Variants in ZNF385D observed in about 807,000 individuals in gnomAD.
The protein encoded by ZNF385D is zinc finger protein 385D, also known as zinc finger protein 659.
A neutral mutation model predicts 35.8 loss-of-function variants in ZNF385D; 15 were observed. That is an observed-to-expected ratio of 0.42 (90% CI 0.28 to 0.64). The LOEUF is 0.64. ZNF385D is among the 30% of genes least tolerant of loss of function. The pLI is 0.23. For synonymous variants in ZNF385D, 212 were observed against 186.8 expected (o/e 1.13, Z -1.10); for missense variants, 474 against 494.6 (o/e 0.96, Z 0.39).
chr3:22,203,530 A>G (rs141505450), intron 2 of ZNF385D, among the ~76,000 whole-genome samples: 32 of 152,214 alleles, frequency 2.1e-4, no homozygotes, highest in Admixed American at 3.3e-4. Context: ...AGCCACAAGG[A>G]TAGAGTATCG....
chr3:21,564,936 T>G (rs914655973), intron 2 of ZNF385D, among the ~76,000 whole-genome samples: 4 of 152,232 alleles, frequency 2.6e-5, no homozygotes, highest in Non-Finnish European at 5.9e-5. Context: ...TTTTCTCATT[T>G]AAAAGCAACA....
chr3:21,790,551 T>A (rs2071885443), intron 3 of ZNF385D, among the ~76,000 whole-genome samples: 1 of 152,218 alleles, frequency 6.6e-6, no homozygotes, highest in Admixed American at 6.5e-5. Context: ...GAAAATGTCA[T>A]TCCTTTATCA....
At chr3:21,955,440 A>T (rs577245265) in intron 3 of ZNF385D, among the ~76,000 whole-genome samples, 1 of 152,104 alleles carries the variant, frequency 6.6e-6, no homozygotes, top group Non-Finnish European at 1.5e-5. Flanking sequence ...CATCTCCCCA[A>T]TTCTGGCCAA....
intron 3 of ZNF385D, among the ~76,000 whole-genome samples, chr3:22,029,801 G>T (rs1842318): frequency 0.18 from 27,033 of 151,972 alleles, 3,008 homozygotes; most frequent in South Asian, 0.37. Flanking sequence ...TTATGACATT[G>T]TCTTTATTTG....
intron 3 of ZNF385D, among the ~76,000 whole-genome samples, chr3:21,806,355 T>A (rs968973078): frequency 1.3e-5 from 2 of 151,922 alleles, no homozygotes; most frequent in Admixed American, 6.6e-5. Context: ...CAGGCGCCTG[T>A]CACCACGCCC....
chr3:21,921,460 CAA>C (rs972326232), intron 3 of ZNF385D, among the ~76,000 whole-genome samples: 21 of 152,058 alleles, frequency 1.4e-4, no homozygotes, highest in African/African-American at 5.1e-4. Context: ...TACTTAAAGA[CAA>C]AAGACAGAGG....
intron 3 of ZNF385D, among the ~76,000 whole-genome samples, chr3:22,147,062 A>G (rs76582156): frequency 0.047 from 7,196 of 152,328 alleles, 232 homozygotes; most frequent in Middle Eastern, 0.065. Context: ...ACCCAATTAA[A>G]GGTATAGTAG....
At chr3:21,670,881 A>C (rs1338579176) in intron 1 of ZNF385D, among the ~76,000 whole-genome samples, 2 of 151,956 alleles carry the variant, frequency 1.3e-5, no homozygotes, top group Admixed American at 6.6e-5. Flanking sequence ...GTTTCCACAA[A>C]AAAAATGGAC....
intron 2 of ZNF385D, among the ~76,000 whole-genome samples, chr3:22,206,140 C>A (rs1697136213): frequency 6.6e-6 from 1 of 151,976 alleles, no homozygotes; most frequent in African/African-American, 2.4e-5. Context: ...ATACTTACAT[C>A]AGACAAAATA....
At chr3:22,163,686 A>G (rs1033127967) in intron 3 of ZNF385D, among the ~76,000 whole-genome samples, 6 of 152,224 alleles carry the variant, frequency 3.9e-5, no homozygotes, top group Admixed American at 3.9e-4. Context: ...TGCATCCTGA[A>G]AATACTAAAG....
At position 22,242,126 on chromosome 3, in the gene ZNF385D, G is replaced by T. The variant is rs530411257; in HGVS notation, c.107-73091C>A. 2.7e-5 allele frequency among the ~76,000 whole-genome samples: 4 copies of T among 150,890 alleles called. No homozygotes were observed. In the East Asian group the frequency reaches 5.9e-4, roughly 22 times the overall value. On this transcript the variant is annotated intron_variant, in intron 2 of 5. Coordinates refer to the ZNF385D transcript ENST00000494108. ...GCACTGGGAGATATACCTAATGCTA[G>T]ATGACGAGTTAGTGGGTGCAGCGCA... is the stretch of plus-strand genomic sequence containing the variant.
intron 3 of ZNF385D, among the ~76,000 whole-genome samples, chr3:21,781,168 T>G (rs2071474481): frequency 6.6e-6 from 1 of 151,836 alleles, no homozygotes. Context: ...AAATGAAAAG[T>G]ATAAGACAAA....
chr3:21,725,141 A>G (rs576935691), intron 1 of ZNF385D, among the ~76,000 whole-genome samples: 6 of 152,350 alleles, frequency 3.9e-5, no homozygotes, highest in Admixed American at 6.5e-5. Flanking sequence ...CAAAGAGAAC[A>G]AAGACACGAT....
At chr3:22,268,214 C>T (rs1700992722) in intron 2 of ZNF385D, among the ~76,000 whole-genome samples, 1 of 151,946 alleles carries the variant, frequency 6.6e-6, no homozygotes, top group Non-Finnish European at 1.5e-5. Flanking sequence ...CACTCTGATG[C>T]TGTCATTAGG....
At chr3:21,822,656 A>G (rs937532525) in intron 3 of ZNF385D, among the ~76,000 whole-genome samples, 1 of 152,216 alleles carries the variant, frequency 6.6e-6, no homozygotes, top group Non-Finnish European at 1.5e-5. Flanking sequence ...GGCATTATTA[A>G]AGATCATACC....
intron 1 of ZNF385D, among the ~76,000 whole-genome samples, chr3:21,712,367 C>T (rs570778027): frequency 7.9e-5 from 12 of 152,238 alleles, no homozygotes; most frequent in Non-Finnish European, 1.3e-4. Flanking sequence ...AACACCTGCC[C>T]CACCCACCCT....
At chr3:22,215,514 TC>T in intron 2 of ZNF385D, among the ~76,000 whole-genome samples, 1 of 152,098 alleles carries the variant, frequency 6.6e-6, no homozygotes, top group South Asian at 2.1e-4. Context: ...CCCATAGTGC[TC>T]CCAGGCTTAT....
intron 3 of ZNF385D, among the ~76,000 whole-genome samples, chr3:21,829,817 T>A (rs1480968795): frequency 6.6e-6 from 1 of 151,954 alleles, no homozygotes; most frequent in Non-Finnish European, 1.5e-5. Context: ...TAATTACTTT[T>A]GCACCAACCT....
At chr3:21,737,425 G>T (rs939682714) in intron 1 of ZNF385D, among the ~76,000 whole-genome samples, 1 of 151,576 alleles carries the variant, frequency 6.6e-6, no homozygotes, top group African/African-American at 2.4e-5. Flanking sequence ...AAGGTACACA[G>T]GTTACTTCCA....
Sources: allele counts gnomAD v4.1 joint callset (sites outside exome capture counted in the v4.1 genomes callset), GRCh38; gene constraint gnomAD v4.1.1; transcripts MANE v1.5; gene names NCBI Gene and HGNC (gene_info 2026-07-23, HGNC 2026-07-21).